CNTNAP2: variants seen among roughly 807,000 people sequenced by gnomAD.
CNTNAP2 encodes the protein contactin-associated protein-like 2.
CNTNAP2 carries 98 observed loss-of-function variants against 155.2 expected under a neutral mutation model. The observed-to-expected ratio is 0.63, with a 90% CI of 0.54 to 0.75. The LOEUF (loss-of-function observed/expected upper bound fraction) is 0.75. Among genes scored for constraint, CNTNAP2 ranks in the 30% least tolerant of loss-of-function variants. The probability of loss-of-function intolerance (pLI) is 0.00; values close to 1 mark genes in which losing one functional copy is unlikely to be tolerated. For missense variants in CNTNAP2, 1,727 were observed against 1,688.1 expected (o/e 1.02, Z -0.40); for synonymous variants, 651 against 631.2 (o/e 1.03, Z -0.47).
At chr7:147,368,420 C>T (rs1796281326) in intron 9 of CNTNAP2, among the ~76,000 whole-genome samples, 1 of 152,064 alleles carries the variant, frequency 6.6e-6, no homozygotes. Context: ...TGGAAACTTG[C>T]TTTAGCTCTT....
intron 1 of CNTNAP2, among the ~76,000 whole-genome samples, chr7:146,524,762 GTATGTAATTA>G (rs1797663613): frequency 6.6e-6 from 1 of 152,050 alleles, no homozygotes; most frequent in Admixed American, 6.6e-5. Context: ...GGTGCAAAAT[GTATGTAATTA>G]TGACACCTTT....
chr7:147,737,239 A>T (rs1796867787), intron 13 of CNTNAP2, among the ~76,000 whole-genome samples: 1 of 152,148 alleles, frequency 6.6e-6, no homozygotes, highest in South Asian at 2.1e-4. Flanking sequence ...TTTCCTTCTA[A>T]CAGCCAGGAC....
At chr7:146,147,668 C>G (rs1584772386) in intron 1 of CNTNAP2, among the ~76,000 whole-genome samples, 1 of 152,236 alleles carries the variant, frequency 6.6e-6, no homozygotes, top group East Asian at 1.9e-4. Context: ...TCTAGACTCT[C>G]AGTGACTCTA....
chr7:147,523,070 T>G (rs1248276560), intron 11 of CNTNAP2, among the ~76,000 whole-genome samples: 3 of 152,192 alleles, frequency 2.0e-5, no homozygotes, highest in Non-Finnish European at 4.4e-5. Context: ...TGAGTGCCTG[T>G]GGCCTGGGTC....
At chr7:148,014,887 T>C (rs1206322292) in intron 15 of CNTNAP2, among the ~76,000 whole-genome samples, 1 of 152,194 alleles carries the variant, frequency 6.6e-6, no homozygotes, top group Admixed American at 6.5e-5. Flanking sequence ...GCTAGAGCAA[T>C]TGAAGGAAGC....
chr7:147,595,614 C>T (rs1800813199), intron 12 of CNTNAP2, among the ~76,000 whole-genome samples: 1 of 152,156 alleles, frequency 6.6e-6, no homozygotes, highest in Non-Finnish European at 1.5e-5. Flanking sequence ...TCTTGCTTTC[C>T]ATAATAACTT....
At chr7:146,335,658 T>A (rs941892144) in intron 1 of CNTNAP2, among the ~76,000 whole-genome samples, 26 of 152,224 alleles carry the variant, frequency 1.7e-4, no homozygotes, top group Non-Finnish European at 3.4e-4. Flanking sequence ...TCACGTTTTT[T>A]AAAAAAAGTC....
intron 9 of CNTNAP2, among the ~76,000 whole-genome samples, chr7:147,373,625 T>C (rs1796385409): frequency 6.6e-6 from 1 of 152,074 alleles, no homozygotes; most frequent in Non-Finnish European, 1.5e-5. Context: ...AATGTTATCA[T>C]TGTCTTGAGA....
At chr7:146,383,744 A>G (rs1333904123) in intron 1 of CNTNAP2, among the ~76,000 whole-genome samples, 1 of 152,104 alleles carries the variant, frequency 6.6e-6, no homozygotes, top group African/African-American at 2.4e-5. Context: ...CTGACCATAG[A>G]CATTTTGAGT....
intron 1 of CNTNAP2, among the ~76,000 whole-genome samples, chr7:146,610,480 A>T (rs1291096166): frequency 6.6e-6 from 1 of 152,198 alleles, no homozygotes; most frequent in Non-Finnish European, 1.5e-5. Flanking sequence ...AAGAATGAAA[A>T]TACTAGAGCA....
chr7:147,237,224 C>G (rs188046731), intron 8 of CNTNAP2, among the ~76,000 whole-genome samples: 12,924 of 151,808 alleles, frequency 0.085, 581 homozygotes, highest in Middle Eastern at 0.11. Context: ...TGCCACCACA[C>G]CAGGCTATTT....
At chr7:146,640,450 C>T (rs1464363729) in intron 1 of CNTNAP2, among the ~76,000 whole-genome samples, 3 of 152,136 alleles carry the variant, frequency 2.0e-5, no homozygotes, top group Non-Finnish European at 4.4e-5. Context: ...GGTGAATTAG[C>T]CTGATGCCTC....
rs567997821 is a variant in CNTNAP2 at position 146,486,095 on chromosome 7, C to T, written c.98-288176C>T. Among the ~76,000 whole-genome samples, 565 of 104,466 alleles carry T rather than the reference C, an allele frequency of 5.4e-3. 7 individuals carry two copies. The highest frequency in any genetic ancestry group is 0.02 in the African/African-American group (543 of 26,936). 68.5% of individuals were successfully genotyped at this position (104,466 alleles called of 152,430 possible). On this transcript the variant is annotated intron_variant, in intron 1 of 23. Transcript: ENST00000361727. Reference sequence around the variant, plus strand: ...TTTTTTTTTTTTTGAGACAGAGTTTCGCTGTGTCGCCCAGGCTGGAGTGCA... The same window carrying T: ...TTTTTTTTTTTTTGAGACAGAGTTTTGCTGTGTCGCCCAGGCTGGAGTGCA...
chr7:147,083,473 C>A (rs1800182667), intron 4 of CNTNAP2, among the ~76,000 whole-genome samples: 1 of 149,328 alleles, frequency 6.7e-6, no homozygotes, highest in Non-Finnish European at 1.5e-5. Flanking sequence ...CAAATGATTT[C>A]TCATCCTCAA....
chr7:146,152,408 A>C (rs947077578), intron 1 of CNTNAP2, among the ~76,000 whole-genome samples: 2 of 152,132 alleles, frequency 1.3e-5, no homozygotes, highest in Non-Finnish European at 2.9e-5. Flanking sequence ...CAAAGGATAC[A>C]AAATTTCAGT....
chr7:147,383,660 C>A (rs1796579397), intron 9 of CNTNAP2, among the ~76,000 whole-genome samples: 1 of 151,982 alleles, frequency 6.6e-6, no homozygotes, highest in Admixed American at 6.6e-5. Flanking sequence ...AAGACAAATA[C>A]CTAATACATG....
chr7:146,891,266 G>A (rs576376506), intron 3 of CNTNAP2, among the ~76,000 whole-genome samples: 1 of 152,204 alleles, frequency 6.6e-6, no homozygotes, highest in South Asian at 2.1e-4. Flanking sequence ...AGACAGGAAT[G>A]GGTTCAAGCC....
At chr7:146,163,022 G>A (rs1463240503) in intron 1 of CNTNAP2, among the ~76,000 whole-genome samples, 1 of 152,144 alleles carries the variant, frequency 6.6e-6, no homozygotes, top group Non-Finnish European at 1.5e-5. Flanking sequence ...TTGGGGGAGA[G>A]AGGAGGGATA....
intron 13 of CNTNAP2, chr7:147,849,921 G>A (rs1435843138): frequency 6.6e-6 from 1 of 152,234 alleles, no homozygotes; most frequent in Admixed American, 6.5e-5. Context: ...CCTGATCTCA[G>A]AAGCTAAGCA....
Sources: gnomAD v4.1 joint callset for allele counts (sites outside exome capture counted in the v4.1 genomes callset) on GRCh38, gnomAD v4.1.1 for gene constraint, MANE v1.5 for transcripts, NCBI Gene and HGNC (gene_info 2026-07-23, HGNC 2026-07-21) for gene names.